The following CD101 variants were observed in gnomAD, a reference collection of about 807,000 sequenced individuals.
CD101 encodes the protein immunoglobulin superfamily member 2.
In CD101, 76 loss-of-function variants were observed where a neutral mutation model predicts 98.2. That is an observed-to-expected ratio of 0.77 (90% CI 0.64 to 0.94). The LOEUF (loss-of-function observed/expected upper bound fraction) is 0.94, where lower values mean the gene tolerates loss of function less well. CD101 is among the 40% of genes least tolerant of loss of function. The probability of loss-of-function intolerance (pLI) is 0.00; values close to 1 mark genes in which losing one functional copy is unlikely to be tolerated. For missense variants in CD101, 1,145 were observed against 1,218.8 expected (o/e 0.94, Z 0.90); for synonymous variants, 471 against 472.7 (o/e 1.00, Z 0.05).
chr1:117,031,442 C>T (rs1283091719), intron 8 of CD101, among the ~76,000 whole-genome samples: 1 of 152,196 alleles, frequency 6.6e-6, no homozygotes, highest in East Asian at 1.9e-4. Context: ...AAAAGGAAGC[C>T]AGGGCCTCCT....
In CD101 at chr1:117,025,707, A is replaced by G. The variant is rs760969862; in HGVS notation, c.2627A>G (p.Glu876Gly). Residue 876 changes from glutamate to glycine, a missense_variant, in exon 8 of 10, where the codon GAG becomes GGG. By Grantham distance (98) the Glu-to-Gly change is moderately conservative. Transcript: ENST00000682167. The stretch of plus-strand genomic sequence containing the variant: ...GATGGCTTGCTGGAGTATGGGGAAG[A>G]GGGGCTCAGGAGGCACCTGCACTGT... ...QHDGLLEYGE[E>G]GLRRHLHCYR... 6.2e-7 allele frequency: 1 copy of G among 1,614,142 alleles called. No individual in the cohort carries two copies. Among genetic ancestry groups the G allele is most frequent in the Non-Finnish European group, 8.5e-7 (1 of 1,180,022 alleles).
Position 117,013,533 on chromosome 1 carries a change from G to A in CD101, c.969G>A (p.Gly323=), listed in dbSNP as rs777973004. 4.3e-6 allele frequency: 7 copies of A among 1,614,056 alleles called. No individual in the cohort carries two copies. Among genetic ancestry groups the A allele is most frequent in the African/African-American group, 1.3e-5 (1 of 74,924 alleles). ...TTCAAGGCATTTGGTTCTTCAATGG[G>A]ACTGAAATTGCTCACATTGATGCTG... ...PQLQGIWFFN[G]TEIAHIDAGG... is the part of the protein sequence containing the mutation. The change falls in exon 4 of 10, where the codon GGG becomes GGA. Residue 323 remains glycine, a synonymous_variant. Transcript: ENST00000682167.
At chr1:117,030,377 T>C (rs530222026) in intron 8 of CD101, among the ~76,000 whole-genome samples, 117 of 114,616 alleles carry the variant, frequency 1.0e-3, no homozygotes, top group African/African-American at 4.1e-3. Context: ...CAAGACACTG[T>C]CAAAACAAAC....
chr1:117,020,695 C>G (rs1252997251), intron 6 of CD101, among the ~76,000 whole-genome samples: 3 of 152,212 alleles, frequency 2.0e-5, no homozygotes, highest in Non-Finnish European at 4.4e-5. Context: ...GCACTTGGCA[C>G]CATCTCTAAG....
chr1:117,005,614 C>T lies in CD101; in HGVS notation c.43+3754C>T, dbSNP rs1306146907. Among the ~76,000 whole-genome samples, 1 of 152,164 alleles carries T rather than the reference C, an allele frequency of 6.6e-6. No homozygotes were observed. The highest frequency in any genetic ancestry group is 1.5e-5 in the Non-Finnish European group (1 of 68,034). On this transcript the variant is annotated intron_variant, in intron 1 of 9. Transcript: ENST00000682167. This position sits in a 1 kb window ranked among gnomAD's most constrained non-coding sequence, Gnocchi z 4.4. ...GTAAGTTTTGTTCCTTATCCCATCC[C>T]CTAAAGAGAGAAATTCCCTAGTAAT...
chr1:117,014,453 G>A (rs1176924054), intron 4 of CD101, among the ~76,000 whole-genome samples: 2 of 152,150 alleles, frequency 1.3e-5, no homozygotes, highest in African/African-American at 2.4e-5. Flanking sequence ...TCTGCATTTT[G>A]CTGTGATGTG....
chr1:117,003,290 A>T (rs1652349378), intron 1 of CD101, among the ~76,000 whole-genome samples: 1 of 152,214 alleles, frequency 6.6e-6, no homozygotes. Flanking sequence ...AGAAAAGAAT[A>T]CAGCATTCAG....
intron 8 of CD101, among the ~76,000 whole-genome samples, chr1:117,031,144 A>T (rs1480321441): frequency 6.6e-6 from 1 of 152,148 alleles, no homozygotes; most frequent in African/African-American, 2.4e-5. Flanking sequence ...AGGAGAGGTG[A>T]TTTAACAGCA....
chr1:117,025,527 C>G lies in CD101; in HGVS notation c.2447C>G (p.Ser816Cys), dbSNP rs775936767. The G allele has an allele frequency of 1.3e-6, 2 of 1,568,732 alleles. No individual in the cohort carries two copies. The highest frequency in any genetic ancestry group is 1.4e-5 in the African/African-American group (1 of 73,556). ...TTTCTAGGAAGTAAGGTACGTGTCT[C>G]CAAAGTGTACTGGACCGAAAATGTG... ...LKPTGSKVRVSKVYWTENVTE... is the reference protein window; with the variant it reads ...LKPTGSKVRVCKVYWTENVTE... The change falls in exon 8 of 10, where the codon TCC becomes TGC. Residue 816 changes from serine to cysteine, a missense_variant. Coordinates refer to ENST00000682167, the MANE Select transcript of CD101 (RefSeq NM_001256106.3).
At chr1:117,007,498 G>A (rs551724477) in intron 1 of CD101, among the ~76,000 whole-genome samples, 86 of 152,084 alleles carry the variant, frequency 5.7e-4, no homozygotes, top group Non-Finnish European at 1.1e-3. Context: ...CAGGCACCTT[G>A]CCACCATGCC....
chr1:117,008,931 T>C (rs879145424), intron 1 of CD101, among the ~76,000 whole-genome samples: 8 of 152,222 alleles, frequency 5.3e-5, no homozygotes, highest in Admixed American at 5.2e-4. Context: ...AACTGACCAC[T>C]CTTGTGGCAT....
At chr1:117,007,737 A>G (rs1652622113) in intron 1 of CD101, among the ~76,000 whole-genome samples, 1 of 152,190 alleles carries the variant, frequency 6.6e-6, no homozygotes, top group Non-Finnish European at 1.5e-5. Flanking sequence ...AAACTTTATA[A>G]ACAGTACGAT....
rs532381154 is a variant in CD101, at chr1:117,017,190, G to T, written c.1329G>T (p.Leu443=). The T allele has an allele frequency of 6.2e-7, 1 of 1,614,232 alleles. No individual in the cohort carries two copies. The highest frequency in any genetic ancestry group is 2.2e-5 in the East Asian group (1 of 44,878). The part of the protein sequence containing the change: ...LCKAGGAESP[L]SVSWWHIPRD... ...AGGCTGGTGGAGCTGAAAGTCCCCT[G>T]TCTGTGAGCTGGTGGCACATCCCAC... The change falls in exon 5 of 10, where the codon CTG becomes CTT. Residue 443 remains leucine, a synonymous_variant. Transcript: ENST00000682167.
Position 117,018,407 on chromosome 1 carries a change from C to T in CD101, c.1864C>T (p.Arg622Cys), listed in dbSNP as rs1362169599. ...GACGAAAGTGTCGCAGTCTTTATTT[C>T]GTTCACAACTCCTAGTCCATGATGC... ...KKTKVSQSLFRSQLLVHDATE... is the reference protein window; with the variant it reads ...KKTKVSQSLFCSQLLVHDATE... Residue 622 changes from arginine to cysteine, a missense_variant, in exon 6 of 10, where the codon CGT (arginine) becomes TGT (cysteine). Arg to Cys is a radical substitution (Grantham distance 180). Coordinates refer to ENST00000682167, the MANE Select transcript of CD101 (RefSeq NM_001256106.3). This position sits in a 1 kb window ranked among gnomAD's most constrained non-coding sequence, Gnocchi z 4.3. The T allele has an allele frequency of 2.5e-6, 4 of 1,614,028 alleles. No individual in the cohort carries two copies. Among genetic ancestry groups the T allele is most frequent in the African/African-American group, 2.7e-5 (2 of 74,888 alleles).
chr1:117,017,348 T>C lies in CD101; in HGVS notation c.1487T>C (p.Leu496Pro), dbSNP rs1244429661. The C allele has an allele frequency of 1.2e-5, 20 of 1,614,248 alleles. No homozygotes were observed. The highest frequency in any genetic ancestry group is 1.7e-5 in the Non-Finnish European group (20 of 1,180,048). The part of the protein sequence containing the change: ...LEKMDWATFQ[L>P]EITFTAITDS... ...AAAATGGACTGGGCCACCTTCCAGC[T>C]GGAGATCACCTTCACTGCCATCACA... The change falls in exon 5 of 10, where the codon CTG becomes CCG. Residue 496 changes from leucine (L) to proline (P), a missense_variant. Leu to Pro is a moderately conservative substitution (Grantham distance 98). Coordinates refer to ENST00000682167, the MANE Select transcript of CD101 (RefSeq NM_001256106.3).
At position 117,005,793 on chromosome 1, in the gene CD101, C is replaced by A. The variant is rs1267842360; in HGVS notation, c.43+3933C>A. 6.6e-6 allele frequency among the ~76,000 whole-genome samples: 1 copy of A among 152,178 alleles called. No individual in the cohort carries two copies. The highest frequency in any genetic ancestry group is 1.5e-5 in the Non-Finnish European group (1 of 68,030). On this transcript the variant is annotated intron_variant, in intron 1 of 9. Coordinates refer to ENST00000682167, the MANE Select transcript of CD101 (RefSeq NM_001256106.3). The surrounding 1 kb of genome is among the most constrained non-coding windows in gnomAD (Gnocchi z 4.4). The stretch of plus-strand genomic sequence containing the variant: ...ACAATGGGGACAGCCATGGATTTGG[C>A]ATTTGCAGATCTATTAATATGTTCA...
chr1:117,034,141 G>C lies in CD101; in HGVS notation c.*33+7G>C, dbSNP rs774199006. 6.2e-7 allele frequency: 1 copy of C among 1,607,608 alleles called. No individual in the cohort carries two copies. Among genetic ancestry groups the C allele is most frequent in the South Asian group, 1.1e-5 (1 of 90,530 alleles). ...CTGCAGCCAGGAAGGAAAGGTGGGG[G>C]CTTTTTAATTGGGCTAACCAGGGTG... On this transcript the variant is annotated splice_region_variant and intron_variant, in intron 9 of 9. Transcript: ENST00000682167.
chr1:117,036,098 T>TAAGCAGACAGGGAGGGTCTCCTGGGA lies in CD101; in HGVS notation c.*34-60_*34-35dup, dbSNP rs1654808044. On this transcript the variant is annotated intron_variant, in intron 9 of 9. Transcript: ENST00000682167. This position sits in a 1 kb window ranked among gnomAD's most constrained non-coding sequence, Gnocchi z 5.0. ...GCACAGAGATAGCACAGAGGAGATG[T>TAAGCAGACAGGGAGGGTCTCCTGGGA]AAGCAGACAGGGAGGGTCTCCTGGG... 2 of 152,390 alleles carry TAAGCAGACAGGGAGGGTCTCCTGGGA rather than the reference T, an allele frequency of 1.3e-5. No individual in the cohort carries two copies. The highest frequency in any genetic ancestry group is 3.9e-4 in the East Asian group (2 of 5,180). 9.4% of individuals were successfully genotyped at this position (152,390 alleles called of 1,614,324 possible).
rs1477337868 is a variant in CD101, at chr1:117,013,682, G to A, written c.1118G>A (p.Gly373Asp). 1 of 1,614,122 alleles carries A rather than the reference G, an allele frequency of 6.2e-7. No individual in the cohort carries two copies. The highest frequency in any genetic ancestry group is 1.7e-5 in the Admixed American group (1 of 60,010). Residue 373 changes from glycine (G) to aspartate (D), a missense_variant, in exon 4 of 10, where the codon GGC (glycine) becomes GAC (aspartate). Coordinates refer to ENST00000682167, the MANE Select transcript of CD101 (RefSeq NM_001256106.3). ...TTCTCTCTGGGCCCAGAGGATGAAG[G>A]CGCCTACAGATGTGTGGTAGCAGAG... ...KIFSLGPEDE[G>D]AYRCVVAEVM...
Sources: gnomAD v4.1 joint callset for allele counts (sites outside exome capture counted in the v4.1 genomes callset) on GRCh38, gnomAD v4.1.1 for gene constraint, Gnocchi (gnomAD v3.1) non-coding constraint, MANE v1.5 for transcripts, NCBI Gene and HGNC (gene_info 2026-07-23, HGNC 2026-07-21) for gene names.